The following ROBO2 variants were observed in gnomAD, a reference collection of about 807,000 sequenced individuals.
ROBO2 encodes roundabout guidance receptor 2.
Under a neutral mutation model 160.8 loss-of-function variants are expected in ROBO2, and 53 were observed. The observed-to-expected ratio is 0.33, with a 90% CI of 0.26 to 0.41. The LOEUF (loss-of-function observed/expected upper bound fraction) is 0.41. ROBO2 is among the 10% of genes least tolerant of loss of function. The probability of loss-of-function intolerance (pLI) is 1.00; values close to 1 mark genes in which losing one functional copy is unlikely to be tolerated. For missense variants in ROBO2, 1,577 were observed against 1,722.4 expected (o/e 0.92, Z 1.49); for synonymous variants, 664 against 611.7 (o/e 1.09, Z -1.26).
chr3:76,762,444 TG>T lies in ROBO2; in HGVS notation c.110-335569del, dbSNP rs2061358688. On this transcript the variant is annotated intron_variant, in intron 2 of 26. Coordinates refer to the ROBO2 transcript ENST00000487694. ...TTCTTCTCCACAATGAGAATCCAGCTGTTTTTTTTTTTTTTTTAACATGAGT... is the reference window on the plus strand; with the variant it reads ...TTCTTCTCCACAATGAGAATCCAGCTTTTTTTTTTTTTTTTTAACATGAGT... Among the ~76,000 whole-genome samples, 17 of 113,650 alleles carry T rather than the reference TG, an allele frequency of 1.5e-4. No individual in the cohort carries two copies. The Admixed American group carries it at 1.7e-3, about 11-fold the overall frequency. The allele number at this position is 113,650 out of a possible 152,430, so 74.6% of individuals were successfully genotyped here.
At chr3:75,937,417 C>T (rs539728114) in intron 1 of ROBO2, 13,743 of 810,742 alleles carry the variant, frequency 0.017, 138 homozygotes, top group Middle Eastern at 0.032. Context: ...GGATTTGAGT[C>T]GTAGTATATT....
upstream of ROBO2, among the ~76,000 whole-genome samples, chr3:77,035,169 C>T (rs930563713): frequency 9.9e-5 from 15 of 151,910 alleles, no homozygotes; most frequent in East Asian, 2.9e-3. Context: ...CAAAGAACTC[C>T]TTTTTAATTT....
At chr3:76,087,634 TTTTAA>T (rs779347738) in intron 2 of ROBO2, among the ~76,000 whole-genome samples, 1 of 152,070 alleles carries the variant, frequency 6.6e-6, no homozygotes, top group Non-Finnish European at 1.5e-5. Flanking sequence ...ATTTTTGTTA[TTTTAA>T]TTTATCTAAT....
chr3:77,118,131 G>T (rs1020277514), intron 2 of ROBO2, among the ~76,000 whole-genome samples: 1 of 152,186 alleles, frequency 6.6e-6, no homozygotes, highest in Admixed American at 6.5e-5. Flanking sequence ...AAGACTTCCT[G>T]ATTTGTCTTA....
At chr3:77,274,190 T>A (rs2059680881) in intron 2 of ROBO2, among the ~76,000 whole-genome samples, 1 of 152,148 alleles carries the variant, frequency 6.6e-6, no homozygotes, top group African/African-American at 2.4e-5. Flanking sequence ...CAGGTGCATA[T>A]AAAATACATG....
chr3:77,619,723 C>T (rs184133971), intron 22 of ROBO2, among the ~76,000 whole-genome samples: 2 of 152,076 alleles, frequency 1.3e-5, no homozygotes, highest in Non-Finnish European at 2.9e-5. Flanking sequence ...AATCATATTG[C>T]GATGCTTTTT....
At chr3:76,098,209 A>G (rs1343263024) in intron 2 of ROBO2, among the ~76,000 whole-genome samples, 1 of 152,188 alleles carries the variant, frequency 6.6e-6, no homozygotes, top group African/African-American at 2.4e-5. Context: ...TGTTTTGCCA[A>G]TTTGAACTTT....
chr3:77,372,223 AG>A (rs2071866819), intron 2 of ROBO2, among the ~76,000 whole-genome samples: 1 of 152,124 alleles, frequency 6.6e-6, no homozygotes, highest in African/African-American at 2.4e-5. Flanking sequence ...GAAAAGAAAA[AG>A]GAAAAGCATT....
chr3:76,979,487 T>C (rs1363472239), intron 2 of ROBO2, among the ~76,000 whole-genome samples: 2 of 151,988 alleles, frequency 1.3e-5, no homozygotes, highest in Non-Finnish European at 2.9e-5. Flanking sequence ...TGTTTCTGAG[T>C]TGTTTTACTT....
chr3:76,121,432 C>G (rs1193143558), intron 2 of ROBO2, among the ~76,000 whole-genome samples: 1 of 152,068 alleles, frequency 6.6e-6, no homozygotes, highest in Non-Finnish European at 1.5e-5. Flanking sequence ...TTACAGTGCT[C>G]TCTCCTAAAA....
At chr3:75,993,156 G>A (rs2065622939) in intron 2 of ROBO2, among the ~76,000 whole-genome samples, 1 of 152,136 alleles carries the variant, frequency 6.6e-6, no homozygotes, top group African/African-American at 2.4e-5. Flanking sequence ...GAAATGTGAG[G>A]ACATGAGATT....
At chr3:77,287,839 G>A (rs1004868972) in intron 2 of ROBO2, among the ~76,000 whole-genome samples, 1 of 152,266 alleles carries the variant, frequency 6.6e-6, no homozygotes, top group Non-Finnish European at 1.5e-5. Context: ...GACAGTCATT[G>A]TTCCTCGAAA....
chr3:77,090,281 G>C (rs1578870985), intron 1 of ROBO2, among the ~76,000 whole-genome samples: 2 of 141,206 alleles, frequency 1.4e-5, no homozygotes, highest in African/African-American at 5.1e-5. Context: ...TGCCCATCCT[G>C]GTGATCCATA....
intron 2 of ROBO2, among the ~76,000 whole-genome samples, chr3:76,307,396 G>T (rs1004489244): frequency 1.3e-5 from 2 of 152,034 alleles, no homozygotes; most frequent in Admixed American, 6.6e-5. Context: ...TTTATGGCCT[G>T]CATTAAAGCA....
chr3:76,474,044 A>C (rs1354831039), intron 2 of ROBO2, among the ~76,000 whole-genome samples: 1 of 152,194 alleles, frequency 6.6e-6, no homozygotes, highest in African/African-American at 2.4e-5. Flanking sequence ...AAGAATGGAA[A>C]AAAAGAAAGG....
chr3:76,068,142 G>A (rs1688206892), intron 2 of ROBO2, among the ~76,000 whole-genome samples: 1 of 152,176 alleles, frequency 6.6e-6, no homozygotes, highest in African/African-American at 2.4e-5. Flanking sequence ...GACAAGCCAT[G>A]CAGGATAGCC....
intron 2 of ROBO2, among the ~76,000 whole-genome samples, chr3:76,769,071 T>G (rs2061732553): frequency 6.6e-6 from 1 of 151,454 alleles, no homozygotes; most frequent in African/African-American, 2.4e-5. Context: ...TAAATATGAT[T>G]TTTCATCCTT....
chr3:77,487,590 G>T (rs1361336581), intron 4 of ROBO2, among the ~76,000 whole-genome samples: 2 of 152,016 alleles, frequency 1.3e-5, no homozygotes, highest in African/African-American at 4.8e-5. Flanking sequence ...CACATTCAAT[G>T]ACTATCAAAC....
chr3:76,217,422 T>C (rs1035480171), intron 2 of ROBO2, among the ~76,000 whole-genome samples: 3 of 151,886 alleles, frequency 2.0e-5, no homozygotes, highest in African/African-American at 4.8e-5. Context: ...TCTAGAAGAC[T>C]AATAAAGAAG....
Sources: gnomAD v4.1 joint callset for allele counts (sites outside exome capture counted in the v4.1 genomes callset) on GRCh38, gnomAD v4.1.1 for gene constraint, MANE v1.5 for transcripts, NCBI Gene and HGNC (gene_info 2026-07-23, HGNC 2026-07-21) for gene names.